GIGYF2: variants seen among roughly 807,000 people sequenced by gnomAD.
GIGYF2 encodes the protein GRB10-interacting GYF protein 2.
A neutral mutation model predicts 208.1 loss-of-function variants in GIGYF2; 25 were observed. The observed-to-expected ratio is 0.12, with a 90% confidence interval of 0.09 to 0.17. GIGYF2 has a LOEUF of 0.17. Ranked by LOEUF, GIGYF2 falls within the 10% of genes least tolerant of loss-of-function variation. The pLI, the probability that GIGYF2 is intolerant of heterozygous loss-of-function variation, is 1.00. For synonymous variants in GIGYF2, 534 were observed against 543.8 expected (o/e 0.98, Z 0.25); for missense variants, 1,302 against 1,579.4 (o/e 0.82, Z 2.98).
At position 232,836,314 on chromosome 2, in the gene GIGYF2, ATATATATATATAT is replaced by A. The variant is rs1701617328; in HGVS notation, c.2766+3222_2766+3234del. Among the ~76,000 whole-genome samples, 3 of 24,020 alleles carry A rather than the reference ATATATATATATAT, an allele frequency of 1.2e-4. 1 individual carries two copies. Among genetic ancestry groups the A allele is most frequent in the Non-Finnish European group, 1.7e-4 (2 of 11,592 alleles). The allele number at this position is 24,020 out of a possible 152,430, so 15.8% of individuals were successfully genotyped here. On this transcript the variant is annotated intron_variant, in intron 22 of 28. Transcript: ENST00000373563. ...TATATATATATATATATATATATAT[ATATATATATATAT>A]ATACATATATATACTTATATATTTA...
intron 9 of GIGYF2, among the ~76,000 whole-genome samples, chr2:232,790,017 A>G (rs1298168024): frequency 6.6e-6 from 1 of 152,102 alleles, no homozygotes; most frequent in African/African-American, 2.4e-5. Flanking sequence ...AGGGTGCAGA[A>G]TTGGATTTTA....
intron 22 of GIGYF2, among the ~76,000 whole-genome samples, chr2:232,833,298 C>A (rs1451658780): frequency 6.6e-6 from 1 of 152,092 alleles, no homozygotes; most frequent in African/African-American, 2.4e-5. Flanking sequence ...TTCACTGTAA[C>A]CTCAACTTCC....
Position 232,857,476 on chromosome 2 carries a change from C to A in GIGYF2, c.*616C>A, listed in dbSNP as rs75456786. 4.8e-3 allele frequency: 784 copies of A among 162,964 alleles called. 4 individuals carry two copies. The highest frequency in any genetic ancestry group is 0.018 in the African/African-American group (758 of 41,620). The allele number at this position is 162,964 out of a possible 1,614,324, so 10.1% of individuals were successfully genotyped here. ...ATGAGGTTGGTTTGGTTTGATGTTA[C>A]ACACTCCTCACCTGTTCTTTCTGAG... On this transcript the variant is annotated 3_prime_UTR_variant, in exon 29 of 29. Transcript: ENST00000373563.
intron 8 of GIGYF2, chr2:232,766,005 G>A (rs978318637): frequency 6.4e-6 from 3 of 470,910 alleles, no homozygotes; most frequent in African/African-American, 6.0e-5. Context: ...ATCCAGAAAG[G>A]CAGAGCAGCC....
At position 232,724,309 on chromosome 2, in the gene GIGYF2, T is replaced by C. The variant is rs558393110; in HGVS notation, c.-43-10846T>C. Among the ~76,000 whole-genome samples the C allele has an allele frequency of 4.6e-5, 7 of 151,524 alleles. No homozygotes were observed. The South Asian group carries it at 1.5e-3, about 32-fold the overall frequency. Reference sequence around the variant, plus strand: ...CTGACCTCAAGTGATCCACCCATCTTGGCCTCCTAACGTGCTGGGATTGCA... The same window carrying C: ...CTGACCTCAAGTGATCCACCCATCTCGGCCTCCTAACGTGCTGGGATTGCA... On this transcript the variant is annotated intron_variant, in intron 2 of 28. Coordinates refer to ENST00000373563, the MANE Select transcript of GIGYF2 (RefSeq NM_001103146.3).
Position 232,735,233 on chromosome 2 carries a change from T to G in GIGYF2, c.36T>G (p.Pro12=), listed in dbSNP as rs1255744306. 6.2e-6 allele frequency: 10 copies of G among 1,604,696 alleles called. No homozygotes were observed. The highest frequency in any genetic ancestry group is 8.5e-6 in the Non-Finnish European group (10 of 1,171,402). ...AAACGCAGACACTGAACTTTGGGCC[T>G]GAATGGTGAGTTTTCAAAATCTCAT... The part of the protein sequence containing the change: ...AAETQTLNFG[P]EWLRALSSGG... The change falls in exon 3 of 29, where the codon CCT becomes CCG. Residue 12 remains proline, a synonymous_variant. Coordinates refer to ENST00000373563, the MANE Select transcript of GIGYF2 (RefSeq NM_001103146.3).
At chr2:232,836,296 A>C (rs13011635) in intron 22 of GIGYF2, among the ~76,000 whole-genome samples, 594 of 19,568 alleles carry the variant, frequency 0.03, 170 homozygotes, top group African/African-American at 0.11. Flanking sequence ...ATATATATAT[A>C]TATATATATA....
At chr2:232,776,422 T>C (rs1699515969) in intron 8 of GIGYF2, 3 of 1,591,478 alleles carry the variant, frequency 1.9e-6, no homozygotes, top group Admixed American at 1.7e-5. Flanking sequence ...GAAAGAAGAA[T>C]GGATATTATT....
intron 2 of GIGYF2, among the ~76,000 whole-genome samples, chr2:232,710,341 G>C (rs1480259430): frequency 6.6e-6 from 1 of 152,076 alleles, no homozygotes. Flanking sequence ...CTCCCACCTT[G>C]GCCTCCCAAA....
intron 8 of GIGYF2, among the ~76,000 whole-genome samples, chr2:232,784,915 T>C (rs2106358025): frequency 6.6e-6 from 1 of 151,568 alleles, no homozygotes; most frequent in Middle Eastern, 3.4e-3. Context: ...AGTTCAAGAG[T>C]CTGGGATCTC....
At chr2:232,819,115 G>C (rs1014950810) in intron 20 of GIGYF2, among the ~76,000 whole-genome samples, 5 of 151,854 alleles carry the variant, frequency 3.3e-5, no homozygotes, top group African/African-American at 1.2e-4. Flanking sequence ...ACCACTTGTT[G>C]CCTACTTTTT....
intron 22 of GIGYF2, among the ~76,000 whole-genome samples, chr2:232,835,300 T>G (rs1701549563): frequency 6.6e-6 from 1 of 152,184 alleles, no homozygotes. Flanking sequence ...TTCCTTTTGG[T>G]TTTTTAAAAA....
At chr2:232,846,804 T>G (rs1160025923) in intron 26 of GIGYF2, among the ~76,000 whole-genome samples, 1 of 152,250 alleles carries the variant, frequency 6.6e-6, no homozygotes, top group Non-Finnish European at 1.5e-5. Flanking sequence ...AGGCTCAGAA[T>G]GGTTAAATAA....
At position 232,806,792 on chromosome 2, in the gene GIGYF2, G is replaced by A. The variant is rs552701937; in HGVS notation, c.1806+135G>A. ...AAATTAATGGAAATGGTAAGGGAAAGTCTGAATGGAAGACTGAATACTTAG... is the reference window on the plus strand; with the variant it reads ...AAATTAATGGAAATGGTAAGGGAAAATCTGAATGGAAGACTGAATACTTAG... On this transcript the variant is annotated intron_variant, in intron 15 of 28. Coordinates refer to ENST00000373563, the MANE Select transcript of GIGYF2 (RefSeq NM_001103146.3). This position sits in a 1 kb window ranked among gnomAD's most constrained non-coding sequence, Gnocchi z 4.0. 207 of 781,926 alleles carry A rather than the reference G, an allele frequency of 2.6e-4. 1 individual carries two copies. The South Asian group carries it at 2.7e-3, about 10-fold the overall frequency. 48.4% of individuals were successfully genotyped at this position (781,926 alleles called of 1,614,324 possible). A position where few individuals can be genotyped will look rare whatever the true frequency, so the allele number is the denominator to read the frequency against.
intron 3 of GIGYF2, among the ~76,000 whole-genome samples, chr2:232,742,343 C>A (rs1697998774): frequency 6.6e-6 from 1 of 152,124 alleles, no homozygotes; most frequent in South Asian, 2.1e-4. Flanking sequence ...GAGTTCAAGA[C>A]CAGCCTGACA....
chr2:232,833,088 A>G lies in GIGYF2; in HGVS notation c.2761A>G (p.Met921Val). The change falls in exon 22 of 29, where the codon ATG becomes GTG. Residue 921 changes from methionine (M) to valine (V), a missense_variant. Around this residue, in one of 8 missense-constraint regions of GIGYF2, gnomAD observed 701 missense variants for 793.0 expected, o/e 0.88. Coordinates refer to ENST00000373563, the MANE Select transcript of GIGYF2 (RefSeq NM_001103146.3). Reference sequence around the variant, plus strand: ...GCAGCAGCAACAACAGCTGGCGCAGATGAAGGTAAAGCCCGAGGCATCAAC... The same window carrying G: ...GCAGCAGCAACAACAGCTGGCGCAGGTGAAGGTAAAGCCCGAGGCATCAAC... Reference protein sequence around the residue: ...QQQQQQQLAQMKLPSSSTWGQ... With the variant: ...QQQQQQQLAQVKLPSSSTWGQ... 1.3e-6 allele frequency: 2 copies of G among 1,550,732 alleles called. No homozygotes were observed. Among genetic ancestry groups the G allele is most frequent in the Admixed American group, 3.9e-5 (2 of 51,024 alleles).
chr2:232,713,630 T>C (rs1006618969), intron 2 of GIGYF2, among the ~76,000 whole-genome samples: 2 of 152,230 alleles, frequency 1.3e-5, no homozygotes, highest in Admixed American at 1.3e-4. Flanking sequence ...GATACCATGT[T>C]ATACCTAGTC....
chr2:232,794,342 A>G (rs1700158896), intron 12 of GIGYF2, among the ~76,000 whole-genome samples: 3 of 152,210 alleles, frequency 2.0e-5, no homozygotes, highest in Admixed American at 2.0e-4. Context: ...GAGCATAATC[A>G]TTGATATTTT....
intron 1 of GIGYF2, among the ~76,000 whole-genome samples, chr2:232,700,007 C>G (rs1179387540): frequency 6.6e-6 from 1 of 152,152 alleles, no homozygotes; most frequent in Non-Finnish European, 1.5e-5. Context: ...TCTCCATATT[C>G]TTTTTACTGA....
Sources: gnomAD v4.1 joint callset for allele counts (sites outside exome capture counted in the v4.1 genomes callset) on GRCh38, gnomAD v4.1.1 for gene constraint, gnomAD v4.1.1 regional missense constraint, Gnocchi (gnomAD v3.1) non-coding constraint, MANE v1.5 for transcripts, NCBI Gene and HGNC (gene_info 2026-07-23, HGNC 2026-07-21) for gene names.